Variants in ZFR2 observed in about 807,000 individuals in gnomAD.
ZFR2 encodes the protein zinc finger RNA-binding protein 2.
Under a neutral mutation model 105.7 loss-of-function variants are expected in ZFR2, and 104 were observed. The ratio of observed to expected loss-of-function variants is 0.98; its 90% CI spans 0.84 to 1.16. The LOEUF is 1.16. ZFR2 is among the 50% of genes most tolerant of loss of function. The probability of loss-of-function intolerance (pLI) is 0.00; values close to 1 mark genes in which losing one functional copy is unlikely to be tolerated. For synonymous variants in ZFR2, 634 were observed against 597.7 expected (o/e 1.06, Z -0.89); for missense variants, 1,425 against 1,355.5 (o/e 1.05, Z -0.80).
intron 18 of ZFR2, 100 bp downstream of exon 18, chr19:3,807,072 G>A: frequency 1.2e-6 from 1 of 864,662 alleles, no homozygotes; most frequent in Non-Finnish European, 1.8e-6. Flanking sequence ...TCAGTGGGAG[G>A]GAGAGAAGGG....
At chr19:3,809,901 G>A (rs1269310573) in intron 16 of ZFR2, among the ~76,000 whole-genome samples, 1 of 152,122 alleles carries the variant, frequency 6.6e-6, no homozygotes, top group Admixed American at 6.5e-5. Flanking sequence ...CTAAGATTTC[G>A]CCACTGCACT....
chr19:3,818,985 G>T, intron 12 of ZFR2, 60 bp downstream of exon 12: 2 of 1,563,520 alleles, frequency 1.3e-6, no homozygotes, highest in Non-Finnish European at 1.7e-6. Context: ...GTCTCGTCCC[G>T]AGGAGCTGAC....
chr19:3,827,546 A>C lies in ZFR2; in HGVS notation c.960T>G (p.His320Gln). Residue 320 changes from histidine to glutamine, a missense_variant, in exon 6 of 19, where the codon CAT (histidine) becomes CAG (glutamine). By Grantham distance (24) the His-to-Gln change is conservative. Transcript: ENST00000262961. The stretch of plus-strand genomic sequence containing the variant: ...TGCAGGACACGGCGCACAGGTCGCA[A>C]TGCAGCTGCGCCTGCACCCCGCGCG... ...GSPRGVQAQL[H>Q]CDLCAVSCTG... 6.4e-7 allele frequency: 1 copy of C among 1,562,280 alleles called. No homozygotes were observed. The highest frequency in any genetic ancestry group is 8.7e-7 in the Non-Finnish European group (1 of 1,153,880).
intron 1 of ZFR2, among the ~76,000 whole-genome samples, chr19:3,850,944 G>A (rs1259866915): frequency 6.7e-6 from 1 of 150,004 alleles, no homozygotes; most frequent in Non-Finnish European, 1.5e-5. Flanking sequence ...CAGTGCACAT[G>A]GACAGAGAAA....
chr19:3,837,137 C>A (rs950773432), intron 1 of ZFR2, among the ~76,000 whole-genome samples: 1 of 152,148 alleles, frequency 6.6e-6, no homozygotes, highest in Admixed American at 6.6e-5. Context: ...ATGAAAGTTA[C>A]AGCTTTTTTT....
In ZFR2 at chr19:3,831,829, G is replaced by A. The variant is rs370878466; in HGVS notation, c.429C>T (p.His143=). The A allele has an allele frequency of 1.0e-4, 164 of 1,606,140 alleles. No homozygotes were observed. The highest frequency in any genetic ancestry group is 1.3e-4 in the Non-Finnish European group (152 of 1,178,662). Reference sequence around the variant, plus strand: ...TGGGCGCCTGCTGTGGGGGCTGAGCGTGGCTGTGACTGCCATGGGGGCTGG... The same window carrying A: ...TGGGCGCCTGCTGTGGGGGCTGAGCATGGCTGTGACTGCCATGGGGGCTGG... ...GQPSPHGSHS[H]AQPPQQAPIV... The change falls in exon 4 of 19, where the codon CAC becomes CAT. Residue 143 remains histidine (H), a synonymous_variant. Transcript: ENST00000262961.
Position 3,825,310 on chromosome 19 carries a change from G to A in ZFR2, c.1133C>T (p.Ser378Phe), listed in dbSNP as rs1446227161. ...SPPGAEAKPT[S>F]PTGPSVCASS... ...GGCACACACGCTGGGGCCAGTGGGG[G>A]ACGTGGGCTTGGCCTCTGCCCCGGG... is the stretch of plus-strand genomic sequence containing the variant. The change falls in exon 7 of 19, where the codon TCC becomes TTC. Residue 378 changes from serine (S) to phenylalanine (F), a missense_variant. Transcript: ENST00000262961. 2 of 1,582,744 alleles carry A rather than the reference G, an allele frequency of 1.3e-6. No individual in the cohort carries two copies. Among genetic ancestry groups the A allele is most frequent in the Middle Eastern group, 2.0e-4 (1 of 4,882 alleles).
chr19:3,807,182 G>T lies in ZFR2; in HGVS notation c.2633C>A (p.Ala878Asp). Residue 878 changes from alanine to aspartate, a missense_variant, in exon 18 of 19, where the codon GCC becomes GAC. Coordinates refer to ENST00000262961, the MANE Select transcript of ZFR2 (RefSeq NM_015174.2). ...MTLQEREDVT[A>D]SAQHALRMLA... ...ACTTGACCCTCCTACCTGGGCGCTG[G>T]CGGTCACGTCTTCCCGCTCTTGGAG... 6.4e-7 allele frequency: 1 copy of T among 1,554,216 alleles called. No homozygotes were observed. The highest frequency in any genetic ancestry group is 1.4e-5 in the African/African-American group (1 of 73,374).
chr19:3,816,636 G>C (rs377700117), intron 13 of ZFR2, 38 bp downstream of exon 13: 993 of 1,572,634 alleles, frequency 6.3e-4, no homozygotes, highest in Non-Finnish European at 8.2e-4. Context: ...CTGGCAGCCA[G>C]ACGCCAGAAG....
chr19:3,808,014 C>T (rs915874371), intron 17 of ZFR2, among the ~76,000 whole-genome samples: 1 of 135,674 alleles, frequency 7.4e-6, no homozygotes, highest in Admixed American at 7.5e-5. Context: ...TCCATGTGTG[C>T]ACCTGTATGT....
chr19:3,826,389 G>C (rs1206978557), intron 6 of ZFR2, among the ~76,000 whole-genome samples: 1 of 151,898 alleles, frequency 6.6e-6, no homozygotes, highest in East Asian at 1.9e-4. Context: ...CCTGCTCTCA[G>C]GTGGGGACTC....
intron 7 of ZFR2, among the ~76,000 whole-genome samples, 181 bp downstream of exon 7, chr19:3,825,049 G>A (rs1272315440): frequency 6.6e-6 from 1 of 152,228 alleles, no homozygotes; most frequent in African/African-American, 2.4e-5. Context: ...TCAGGGCGGT[G>A]TGGGCCAGTG....
At chr19:3,816,242 T>A (rs2037823307) in intron 13 of ZFR2, among the ~76,000 whole-genome samples, 1 of 117,936 alleles carries the variant, frequency 8.5e-6, no homozygotes, top group Non-Finnish European at 1.7e-5. Context: ...TCTTCTTGTA[T>A]CTTTTTTTTT....
intron 1 of ZFR2, among the ~76,000 whole-genome samples, chr19:3,845,482 G>GAA (rs537746428): frequency 7.9e-6 from 1 of 126,324 alleles, no homozygotes; most frequent in African/African-American, 2.9e-5. Flanking sequence ...TTCAAAAAAA[G>GAA]AAAAAAAAAA....
At position 3,834,618 on chromosome 19, in the gene ZFR2, C is replaced by A. The variant is rs1034556225; in HGVS notation, c.264+155G>T. On this transcript the variant is annotated intron_variant, in intron 2 of 18. Transcript: ENST00000262961. The surrounding 1 kb of genome is among the most constrained non-coding windows in gnomAD (Gnocchi z 5.3). ...AAGCGACTCTGCCCTGATTTCTCCCCACCACGGGTACGCAATGCCAGCAGA... is the reference window on the plus strand; with the variant it reads ...AAGCGACTCTGCCCTGATTTCTCCCAACCACGGGTACGCAATGCCAGCAGA... Among the ~76,000 whole-genome samples, 6 of 152,182 alleles carry A rather than the reference C, an allele frequency of 3.9e-5. No homozygotes were observed. The highest frequency in any genetic ancestry group is 1.4e-4 in the African/African-American group (6 of 41,436).
intron 6 of ZFR2, among the ~76,000 whole-genome samples, chr19:3,826,914 A>G (rs1365179027): frequency 6.6e-6 from 1 of 151,752 alleles, no homozygotes; most frequent in Non-Finnish European, 1.5e-5. Flanking sequence ...CGGCCACTTC[A>G]TGTTTTTGTG....
At chr19:3,844,042 G>A (rs2038164399) in intron 1 of ZFR2, among the ~76,000 whole-genome samples, 1 of 151,142 alleles carries the variant, frequency 6.6e-6, no homozygotes, top group South Asian at 2.1e-4. Context: ...GACCGGGGAG[G>A]GGAAGGGGAG....
intron 17 of ZFR2, among the ~76,000 whole-genome samples, chr19:3,808,071 G>C (rs570023705): frequency 6.7e-6 from 1 of 148,748 alleles, no homozygotes; most frequent in East Asian, 2.2e-4. Flanking sequence ...ATGTGTGCCC[G>C]TGTGTGCAAG....
Position 3,824,876 on chromosome 19 carries a change from G to T in ZFR2, c.1213+354C>A, listed in dbSNP as rs111529386. On this transcript the variant is annotated intron_variant, in intron 7 of 18. Coordinates refer to ENST00000262961, the MANE Select transcript of ZFR2 (RefSeq NM_015174.2). ...CGCTTGAACCCAGGAGGCAGAGGTTGCAGTGAGCTGAGATCGCACCACTGC... is the reference window on the plus strand; with the variant it reads ...CGCTTGAACCCAGGAGGCAGAGGTTTCAGTGAGCTGAGATCGCACCACTGC... Among the ~76,000 whole-genome samples, 464 of 152,334 alleles carry T rather than the reference G, an allele frequency of 3.0e-3. 2 individuals carry two copies. The highest frequency in any genetic ancestry group is 0.011 in the African/African-American group (448 of 41,566).
Sources: gnomAD v4.1 joint callset for allele counts (sites outside exome capture counted in the v4.1 genomes callset) on GRCh38, gnomAD v4.1.1 for gene constraint, Gnocchi (gnomAD v3.1) non-coding constraint, MANE v1.5 for transcripts, NCBI Gene and HGNC (gene_info 2026-07-23, HGNC 2026-07-21) for gene names.